Variants in BNIP2 observed in about 807,000 individuals in gnomAD.
The protein encoded by BNIP2 is BCL2 interacting protein 2.
BNIP2 carries 36 observed loss-of-function variants against 43.4 expected under a neutral mutation model. The observed-to-expected ratio is 0.83, with a 90% CI of 0.64 to 1.10. The LOEUF is 1.10. Among genes scored for constraint, BNIP2 ranks in the 50% least tolerant of loss-of-function variants. BNIP2 has a pLI of 0.00. For missense variants in BNIP2, 417 were observed against 374.1 expected (o/e 1.11, Z -0.95); for synonymous variants, 146 against 121.0 (o/e 1.21, Z -1.35).
chr15:59,677,752 G>C, intron 5 of BNIP2, 159 bp downstream of exon 5: 2 of 1,176,016 alleles, frequency 1.7e-6, no homozygotes, highest in African/African-American at 1.6e-5. Context: ...TCCAGGAACT[G>C]GTTAGCAGGA....
Position 59,663,096 on chromosome 15 carries a change from G to C in BNIP2, c.*973C>G, listed in dbSNP as rs1459159453. The C allele has an allele frequency of 6.6e-6, 1 of 152,566 alleles. No homozygotes were observed. The highest frequency in any genetic ancestry group is 2.4e-5 in the African/African-American group (1 of 41,434). 9.5% of individuals were successfully genotyped at this position (152,566 alleles called of 1,614,324 possible). On this transcript the variant is annotated 3_prime_UTR_variant, in exon 10 of 10. Coordinates refer to ENST00000607373, the MANE Select transcript of BNIP2 (RefSeq NM_004330.4). ...AAATAATTGATATGGAAGTATTTTGGTAAAGTGCCCATAGTGAGAGTTTAA... is the reference window on the plus strand; with the variant it reads ...AAATAATTGATATGGAAGTATTTTGCTAAAGTGCCCATAGTGAGAGTTTAA...
chr15:59,680,136 G>T, intron 3 of BNIP2, 105 bp downstream of exon 3: 2 of 921,882 alleles, frequency 2.2e-6, no homozygotes, highest in South Asian at 2.2e-5. Flanking sequence ...TGACTTCTAT[G>T]ATGGAATAAA....
At chr15:59,674,168 G>A (rs558001561) in intron 5 of BNIP2, among the ~76,000 whole-genome samples, 4 of 151,248 alleles carry the variant, frequency 2.6e-5, no homozygotes, top group South Asian at 2.1e-4. Context: ...GGAAAACAGC[G>A]CTAAAATATG....
chr15:59,670,521 T>C (rs573721584), intron 7 of BNIP2, among the ~76,000 whole-genome samples: 42 of 152,294 alleles, frequency 2.8e-4, no homozygotes, highest in African/African-American at 9.9e-4. Context: ...TACTACATTC[T>C]CCATCCTTTG....
At chr15:59,685,867 T>C (rs1345433619) in intron 1 of BNIP2, among the ~76,000 whole-genome samples, 2 of 152,340 alleles carry the variant, frequency 1.3e-5, no homozygotes, top group South Asian at 2.1e-4. Context: ...GGAGTTAATA[T>C]AACCACAACC....
chr15:59,681,855 C>G (rs6151489), intron 2 of BNIP2, among the ~76,000 whole-genome samples: 3 of 152,130 alleles, frequency 2.0e-5, no homozygotes, highest in Non-Finnish European at 4.4e-5. Context: ...ACAAACCACA[C>G]TAAAACACTT....
intron 1 of BNIP2, among the ~76,000 whole-genome samples, chr15:59,686,423 T>C (rs748455353): frequency 2.6e-5 from 4 of 152,184 alleles, no homozygotes; most frequent in Non-Finnish European, 4.4e-5. Flanking sequence ...GTTTAGATTA[T>C]AACACAATTT....
At chr15:59,679,970 C>A (rs1374934785) in intron 3 of BNIP2, among the ~76,000 whole-genome samples, 2 of 152,108 alleles carry the variant, frequency 1.3e-5, no homozygotes, top group African/African-American at 4.8e-5. Context: ...GTATCAATGT[C>A]TTTTAAATAG....
chr15:59,681,416 GT>G (rs536611243), intron 2 of BNIP2, among the ~76,000 whole-genome samples: 162 of 138,432 alleles, frequency 1.2e-3, no homozygotes, highest in Non-Finnish European at 1.2e-3. Flanking sequence ...ACTTAGTAAG[GT>G]TTTTTTTTTT....
intron 4 of BNIP2, chr15:59,678,755 T>G (rs987518494): frequency 7.7e-7 from 1 of 1,291,620 alleles, no homozygotes; most frequent in South Asian, 1.3e-5. Context: ...TACCAAAAGA[T>G]GGGGGGAGGG....
At chr15:59,680,336 C>A in intron 2 of BNIP2, 28 bp from the exon 3 acceptor site, 1 of 1,538,862 alleles carries the variant, frequency 6.5e-7, no homozygotes, top group Middle Eastern at 1.7e-4. Context: ...ACTTTTTAAT[C>A]CAGAAATTAA....
chr15:59,666,168 C>A (rs1475337260), intron 9 of BNIP2, among the ~76,000 whole-genome samples: 2 of 152,078 alleles, frequency 1.3e-5, no homozygotes, highest in Non-Finnish European at 2.9e-5. Flanking sequence ...TTTTCTGTCA[C>A]TGGGGACACT....
chr15:59,668,772 ACGCG>A lies in BNIP2; in HGVS notation c.893+116_893+119del. On this transcript the variant is annotated intron_variant, in intron 9 of 9. Coordinates refer to ENST00000607373, the MANE Select transcript of BNIP2 (RefSeq NM_004330.4). Reference sequence around the variant, plus strand: ...TTTTCTTTGTTACACACACACACACACGCGCGCGCGCGCACAGTTATAAAATATA... The same window carrying A: ...TTTTCTTTGTTACACACACACACACACGCGCGCGCACAGTTATAAAATATA... The A allele has an allele frequency of 6.4e-6, 5 of 780,040 alleles. No individual in the cohort carries two copies. In the South Asian group the frequency reaches 7.3e-5, roughly 11 times the overall value. The allele number at this position is 780,040 out of a possible 1,614,324, so 48.3% of individuals were successfully genotyped here.
chr15:59,676,724 G>A (rs566937291), intron 5 of BNIP2: 15 of 1,084,852 alleles, frequency 1.4e-5, no homozygotes, highest in East Asian at 5.2e-5. Context: ...GGAGTGCCGC[G>A]CGGTGCGGTG....
chr15:59,678,277 A>G, intron 4 of BNIP2, 190 bp from the exon 5 acceptor site: 1 of 1,314,502 alleles, frequency 7.6e-7, no homozygotes, highest in Non-Finnish European at 9.7e-7. Flanking sequence ...TTTGGAAATC[A>G]TGGTTCTTTA....
intron 1 of BNIP2, chr15:59,688,577 G>A: frequency 1.2e-6 from 1 of 867,804 alleles, no homozygotes; most frequent in Non-Finnish European, 1.8e-6. Context: ...ATTTTGCCAG[G>A]TATTTAAACA....
chr15:59,686,127 G>T (rs1265060954), intron 1 of BNIP2, among the ~76,000 whole-genome samples: 1 of 152,170 alleles, frequency 6.6e-6, no homozygotes. Flanking sequence ...GTTGACCTTA[G>T]GTTAAAAATC....
intron 1 of BNIP2, among the ~76,000 whole-genome samples, chr15:59,685,633 C>A (rs942806553): frequency 1.3e-5 from 2 of 152,142 alleles, no homozygotes; most frequent in African/African-American, 2.4e-5. Flanking sequence ...TGTGTTAATA[C>A]CTCAGCACAT....
At chr15:59,680,425 GTGT>G in intron 2 of BNIP2, 117 bp from the exon 3 acceptor site, 2 of 783,798 alleles carry the variant, frequency 2.6e-6, no homozygotes, top group Admixed American at 3.0e-5. Flanking sequence ...GAATAAAGCA[GTGT>G]TGTTGTTTTT....
Sources: gnomAD v4.1 joint callset for allele counts (sites outside exome capture counted in the v4.1 genomes callset) on GRCh38, gnomAD v4.1.1 for gene constraint, MANE v1.5 for transcripts, NCBI Gene and HGNC (gene_info 2026-07-23, HGNC 2026-07-21) for gene names.